The following CNTN5 variants were observed in gnomAD, a reference collection of about 807,000 sequenced individuals.
The protein encoded by CNTN5 is contactin 5, also known as contactin-5.
In CNTN5, 77 loss-of-function variants were observed where a neutral mutation model predicts 129.1. The observed-to-expected ratio is 0.60, with a 90% confidence interval of 0.50 to 0.72. CNTN5 has a LOEUF of 0.72. Ranked by LOEUF, CNTN5 falls within the 30% of genes least tolerant of loss-of-function variation. The pLI is 0.00. For synonymous variants in CNTN5, 509 were observed against 465.6 expected, an observed-to-expected ratio of 1.09 and a Z score of -1.20; for missense variants, 1,478 against 1,328.8, an observed-to-expected ratio of 1.11 and a Z score of -1.75.
intron 18 of CNTN5, among the ~76,000 whole-genome samples, chr11:100,295,440 GT>G (rs988013551): frequency 3.3e-5 from 5 of 149,646 alleles, no homozygotes; most frequent in Non-Finnish European, 6.0e-5. Flanking sequence ...ATGTTCACTT[GT>G]TTTTTTTTAA....
intron 1 of CNTN5, among the ~76,000 whole-genome samples, chr11:99,238,816 G>A (rs957060581): frequency 1.3e-5 from 2 of 152,090 alleles, no homozygotes; most frequent in African/African-American, 4.8e-5. Flanking sequence ...GGTTTACAAT[G>A]ATTAAACCAG....
chr11:100,244,439 C>T (rs1165278812), intron 16 of CNTN5, among the ~76,000 whole-genome samples: 1 of 152,120 alleles, frequency 6.6e-6, no homozygotes, highest in African/African-American at 2.4e-5. Flanking sequence ...AATGGCAAGG[C>T]CTGAATGAAA....
chr11:99,793,115 A>G (rs879520990), intron 3 of CNTN5, among the ~76,000 whole-genome samples: 1 of 150,880 alleles, frequency 6.6e-6, no homozygotes, highest in Admixed American at 6.6e-5. Context: ...GCTGGAGTGC[A>G]GTGGCGCAAT....
At chr11:99,959,292 C>A (rs1950881603) in intron 8 of CNTN5, among the ~76,000 whole-genome samples, 1 of 152,136 alleles carries the variant, frequency 6.6e-6, no homozygotes, top group African/African-American at 2.4e-5. Context: ...TTGCTACTCT[C>A]CCCTAAATTT....
intron 18 of CNTN5, among the ~76,000 whole-genome samples, chr11:100,294,465 C>T (rs57002463): frequency 0.022 from 3,345 of 151,738 alleles, 127 homozygotes; most frequent in African/African-American, 0.077. Flanking sequence ...GTATCAATTA[C>T]ATTATCCACT....
intron 16 of CNTN5, among the ~76,000 whole-genome samples, chr11:100,247,154 A>T (rs1032084927): frequency 6.6e-6 from 1 of 152,200 alleles, no homozygotes; most frequent in Non-Finnish European, 1.5e-5. Context: ...TAGATTCAAA[A>T]TGTGAAGCCT....
intron 1 of CNTN5, among the ~76,000 whole-genome samples, chr11:99,301,573 A>C (rs1452742937): frequency 6.6e-6 from 1 of 151,860 alleles, no homozygotes; most frequent in Non-Finnish European, 1.5e-5. Flanking sequence ...ATCTGACAAC[A>C]GGGTCTCAAA....
chr11:99,368,609 T>C (rs1471708582), intron 2 of CNTN5, among the ~76,000 whole-genome samples: 1 of 152,176 alleles, frequency 6.6e-6, no homozygotes, highest in Non-Finnish European at 1.5e-5. Flanking sequence ...TTATAACATA[T>C]TGAACACTGT....
chr11:99,334,841 ATTGT>A (rs1866156580), intron 2 of CNTN5, among the ~76,000 whole-genome samples: 2 of 114,680 alleles, frequency 1.7e-5, no homozygotes, highest in Non-Finnish European at 3.8e-5. Flanking sequence ...TTTTTTCTTA[ATTGT>A]TACTATTATT....
At chr11:99,872,171 A>G (rs1948519839) in intron 6 of CNTN5, among the ~76,000 whole-genome samples, 2 of 152,048 alleles carry the variant, frequency 1.3e-5, no homozygotes, top group African/African-American at 2.4e-5. Context: ...CAAAGTGTCC[A>G]CCTGTTTTTA....
chr11:100,333,829 T>G (rs1473711171), intron 21 of CNTN5, among the ~76,000 whole-genome samples: 3 of 152,094 alleles, frequency 2.0e-5, no homozygotes, highest in African/African-American at 7.2e-5. Context: ...ACCATAAAGA[T>G]TCTAGACTAT....
chr11:99,103,089 A>G (rs977841754), intron 1 of CNTN5, among the ~76,000 whole-genome samples: 1 of 152,078 alleles, frequency 6.6e-6, no homozygotes, highest in Non-Finnish European at 1.5e-5. Flanking sequence ...AAACCATCAG[A>G]TCTCGTAAGG....
At chr11:99,790,006 C>T (rs1279158622) in intron 3 of CNTN5, among the ~76,000 whole-genome samples, 2 of 152,056 alleles carry the variant, frequency 1.3e-5, no homozygotes, top group East Asian at 3.9e-4. Context: ...TTAGCTCCCA[C>T]TTATAAGTAA....
At chr11:99,656,887 T>C (rs1952388788) in intron 3 of CNTN5, among the ~76,000 whole-genome samples, 3 of 151,864 alleles carry the variant, frequency 2.0e-5, no homozygotes, top group Admixed American at 6.6e-5. Context: ...GAAAATTGTC[T>C]GTAGAAAACC....
intron 6 of CNTN5, among the ~76,000 whole-genome samples, chr11:99,854,654 T>C (rs1181217608): frequency 6.6e-6 from 1 of 152,178 alleles, no homozygotes; most frequent in Non-Finnish European, 1.5e-5. Flanking sequence ...TGTAGGTTTC[T>C]GGGAGAATAA....
chr11:100,108,121 A>AC (rs2138099778), intron 13 of CNTN5, among the ~76,000 whole-genome samples: 1 of 151,920 alleles, frequency 6.6e-6, no homozygotes, highest in East Asian at 2.0e-4. Flanking sequence ...TTGAGGTCAT[A>AC]CTTGTGCAAA....
chr11:99,536,432 G>T (rs1208151336), intron 2 of CNTN5, among the ~76,000 whole-genome samples: 4 of 151,910 alleles, frequency 2.6e-5, no homozygotes, highest in African/African-American at 9.7e-5. Context: ...GTGCTCTAAG[G>T]AATCTTAAAA....
rs1231183437 is a variant in CNTN5, at chr11:99,267,883, C to T, written c.-209-57463C>T. On this transcript the variant is annotated intron_variant, in intron 1 of 24. Coordinates refer to ENST00000524871, the MANE Select transcript of CNTN5 (RefSeq NM_014361.4). ...CTCTCTTATTCCCTCCTTGTGCTCTCTCTCTCTTTCTCTATCAAGTAAACA... is the reference window on the plus strand; with the variant it reads ...CTCTCTTATTCCCTCCTTGTGCTCTTTCTCTCTTTCTCTATCAAGTAAACA... Among the ~76,000 whole-genome samples, 3 of 149,942 alleles carry T rather than the reference C, an allele frequency of 2.0e-5. No homozygotes were observed. The East Asian group carries it at 6.0e-4, about 30-fold the overall frequency.
chr11:100,303,615 A>C (rs181643842), intron 20 of CNTN5, among the ~76,000 whole-genome samples: 1 of 151,678 alleles, frequency 6.6e-6, no homozygotes, highest in African/African-American at 2.4e-5. Context: ...CTTTTGCCTT[A>C]TCTGTAAAAA....
Sources: gnomAD v4.1 joint callset for allele counts (sites outside exome capture counted in the v4.1 genomes callset) on GRCh38, gnomAD v4.1.1 for gene constraint, MANE v1.5 for transcripts, NCBI Gene and HGNC (gene_info 2026-07-23, HGNC 2026-07-21) for gene names.